CEP43: variants seen among roughly 807,000 people sequenced by gnomAD.
CEP43 encodes centrosomal protein 43.
CEP43 carries 36 observed loss-of-function variants against 52.6 expected under a neutral mutation model. That is an observed-to-expected ratio of 0.68 (90% CI 0.52 to 0.90). CEP43 has a LOEUF of 0.90. Among genes scored for constraint, CEP43 ranks in the 40% least tolerant of loss-of-function variants. The pLI, the probability that CEP43 is intolerant of heterozygous loss-of-function variation, is 0.00. For synonymous variants in CEP43, 192 were observed against 172.4 expected, an observed-to-expected ratio of 1.11 and a Z score of -0.89; for missense variants, 506 against 472.8, an observed-to-expected ratio of 1.07 and a Z score of -0.65.
intron 5 of CEP43, among the ~76,000 whole-genome samples, chr6:167,007,417 C>T (rs1264132061): frequency 6.6e-6 from 1 of 152,116 alleles, no homozygotes; most frequent in African/African-American, 2.4e-5. Context: ...GTTTTACTCC[C>T]CCAAGTTGCT....
chr6:167,020,570 A>G (rs1280522415), intron 7 of CEP43, among the ~76,000 whole-genome samples: 1 of 152,190 alleles, frequency 6.6e-6, no homozygotes, highest in East Asian at 1.9e-4. Flanking sequence ...ATCTAGTTCA[A>G]TTCTTGAGGA....
chr6:167,028,407 G>A (rs1284796334), intron 10 of CEP43: 30 of 985,270 alleles, frequency 3.0e-5, no homozygotes, highest in Non-Finnish European at 3.6e-5. Flanking sequence ...AATTGGGGTA[G>A]TTATGCAGGT....
Position 167,050,781 on chromosome 6 carries a change from G to GAAAAAAAAAAAAAAAAAAAAA in CEP43, c.*10806_*10826dup. The stretch of plus-strand genomic sequence containing the variant: ...GGGTGACAGAGTGAGACTCAAAAAA[G>GAAAAAAAAAAAAAAAAAAAAA]AAAAAAAAAAAAAAAAAAAAAAAGA... On this transcript the variant is annotated 3_prime_UTR_variant, in exon 13 of 13. Transcript: ENST00000366847. 2.1e-5 allele frequency: 2 copies of GAAAAAAAAAAAAAAAAAAAAA among 96,404 alleles called. No individual in the cohort carries two copies. Among genetic ancestry groups the GAAAAAAAAAAAAAAAAAAAAA allele is most frequent in the Non-Finnish European group, 4.0e-5 (2 of 50,542 alleles). The allele number at this position is 96,404 out of a possible 1,614,324, so 6.0% of individuals were successfully genotyped here. A position where few individuals can be genotyped will look rare whatever the true frequency, so the allele number is the denominator to read the frequency against.
chr6:167,032,674 A>G (rs1429139452), intron 11 of CEP43, 32 bp downstream of exon 11: 3 of 1,511,564 alleles, frequency 2.0e-6, no homozygotes, highest in African/African-American at 2.8e-5. Flanking sequence ...ATATATAAAT[A>G]TATACGTTAT....
intron 10 of CEP43, among the ~76,000 whole-genome samples, chr6:167,029,512 C>G (rs1395022322): frequency 6.6e-6 from 1 of 152,234 alleles, no homozygotes; most frequent in Non-Finnish European, 1.5e-5. Context: ...CGTCCCCACT[C>G]AGAAAGTTCT....
Position 167,033,904 on chromosome 6 carries a change from T to G in CEP43, c.1058T>G (p.Ile353Arg), listed in dbSNP as rs753123595. The G allele has an allele frequency of 1.3e-6, 2 of 1,594,138 alleles. No individual in the cohort carries two copies. The highest frequency in any genetic ancestry group is 1.3e-5 in the African/African-American group (1 of 74,278). The change falls in exon 12 of 13, where the codon ATA becomes AGA. Residue 353 changes from isoleucine (I) to arginine (R), a missense_variant. Physicochemically the swap from Ile to Arg is moderately conservative, Grantham distance 97 (BLOSUM62 -3). Coordinates refer to ENST00000366847, the MANE Select transcript of CEP43 (RefSeq NM_007045.4). ...STSHRSEKSE[I>R]SIGEEIEEDL... ...AGCCATCGCTCAGAGAAAAGTGAGATAAGTATTGGTGAAGAGATAGAAGAA... is the reference window on the plus strand; with the variant it reads ...AGCCATCGCTCAGAGAAAAGTGAGAGAAGTATTGGTGAAGAGATAGAAGAA...
chr6:167,039,161 G>A (rs564545662), intron 12 of CEP43, among the ~76,000 whole-genome samples: 4 of 151,424 alleles, frequency 2.6e-5, no homozygotes, highest in African/African-American at 4.8e-5. Context: ...TCGGAGTCTC[G>A]CTCTGTCACC....
chr6:166,999,428 GCCGC>G lies in CEP43; in HGVS notation c.17_20del (p.Ala6GlufsTer24). The G allele has an allele frequency of 6.8e-7, 1 of 1,474,730 alleles. No homozygotes were observed. Among genetic ancestry groups the G allele is most frequent in the Non-Finnish European group, 9.0e-7 (1 of 1,110,698 alleles). The allele number at this position is 1,474,730 out of a possible 1,614,324, so 91.4% of individuals were successfully genotyped here. ...GAGAAGCAAGATGGCGGCGACGGCGGCCGCAGTGGTGGCCGAGGAGGACACGGAG... is the reference window on the plus strand; with the variant it reads ...GAGAAGCAAGATGGCGGCGACGGCGGAGTGGTGGCCGAGGAGGACACGGAG... On this transcript the variant is annotated frameshift_variant, in exon 1 of 13. Coordinates refer to ENST00000366847, the MANE Select transcript of CEP43 (RefSeq NM_007045.4). LOFTEE classifies it high-confidence loss of function.
intron 8 of CEP43, among the ~76,000 whole-genome samples, chr6:167,024,391 C>A (rs1175307958): frequency 6.6e-6 from 1 of 152,150 alleles, no homozygotes; most frequent in African/African-American, 2.4e-5. Context: ...ATCAGCATGG[C>A]TGTTAGTGGC....
intron 7 of CEP43, among the ~76,000 whole-genome samples, chr6:167,021,051 G>A (rs1347770662): frequency 6.8e-6 from 1 of 146,872 alleles, no homozygotes; most frequent in East Asian, 2.0e-4. Flanking sequence ...ATGACATAGT[G>A]AGAGCCTGTT....
At chr6:167,003,087 T>C in intron 2 of CEP43, 106 bp from the exon 3 acceptor site, 1 of 554,874 alleles carries the variant, frequency 1.8e-6, no homozygotes, top group Non-Finnish European at 3.1e-6. Flanking sequence ...AGTTGTAGAA[T>C]GGATTTTGTA....
rs571861539 is a variant in CEP43 at position 167,019,259 on chromosome 6, A to G, written c.580-3150A>G. The stretch of plus-strand genomic sequence containing the variant: ...ATGCATACACCTGCTGTGCACACGC[A>G]TACACCTGCTGTGCACACACATACA... On this transcript the variant is annotated intron_variant, in intron 7 of 12. Coordinates refer to ENST00000366847, the MANE Select transcript of CEP43 (RefSeq NM_007045.4). Among the ~76,000 whole-genome samples the G allele has an allele frequency of 3.1e-3, 453 of 146,824 alleles. 1 individual carries two copies. The highest frequency in any genetic ancestry group is 0.011 in the African/African-American group (425 of 39,614).
chr6:167,015,595 C>T (rs745951791), intron 7 of CEP43, among the ~76,000 whole-genome samples: 14 of 152,146 alleles, frequency 9.2e-5, no homozygotes, highest in Admixed American at 4.6e-4. Flanking sequence ...ACTGGGCATG[C>T]GATGCAGGAG....
chr6:167,040,773 A>G lies in CEP43; in HGVS notation c.*795A>G. ...TTAAATGCATCTGAAACCATTAAGC[A>G]GTGCTTTTATTTCAGATCTGTAAGT... On this transcript the variant is annotated 3_prime_UTR_variant, in exon 13 of 13. Transcript: ENST00000366847. The G allele has an allele frequency of 9.9e-7, 1 of 1,010,098 alleles. No homozygotes were observed. The highest frequency in any genetic ancestry group is 6.5e-5 in the East Asian group (1 of 15,296). 62.6% of individuals were successfully genotyped at this position (1,010,098 alleles called of 1,614,324 possible).
intron 12 of CEP43, among the ~76,000 whole-genome samples, chr6:167,038,178 G>T (rs1405645095): frequency 2.6e-5 from 4 of 152,138 alleles, no homozygotes; most frequent in Non-Finnish European, 5.9e-5. Context: ...ATATAAGTTG[G>T]TTAATAGGTT....
intron 10 of CEP43, among the ~76,000 whole-genome samples, chr6:167,030,126 C>T (rs955779464): frequency 1.3e-5 from 2 of 152,236 alleles, no homozygotes; most frequent in African/African-American, 4.8e-5. Context: ...GATATGATGG[C>T]TTAGCTTGGG....
At chr6:167,006,749 G>A (rs1479095227) in intron 5 of CEP43, among the ~76,000 whole-genome samples, 1 of 152,170 alleles carries the variant, frequency 6.6e-6, no homozygotes, top group African/African-American at 2.4e-5. Context: ...GACTGTGTTA[G>A]TATTACTGTT....
intron 9 of CEP43, 39 bp from the exon 10 acceptor site, chr6:167,026,494 GAGACTGTTATATTC>G (rs1780358770): frequency 1.8e-6 from 2 of 1,131,258 alleles, no homozygotes; most frequent in East Asian, 4.7e-5. Context: ...ATGTGGTTTA[GAGACTGTTATATTC>G]TAAGTCACTC....
In CEP43 at chr6:167,041,105, T is replaced by A. The variant is rs1185228316; in HGVS notation, c.*1127T>A. On this transcript the variant is annotated 3_prime_UTR_variant, in exon 13 of 13. Transcript: ENST00000366847. ...TTTGCACTTTATAATTTCAATTAAG[T>A]TGCGGCTTTTTACTACAAGTTAACT... is the stretch of plus-strand genomic sequence containing the variant. The A allele has an allele frequency of 5.8e-6, 6 of 1,041,008 alleles. No homozygotes were observed. Among genetic ancestry groups the A allele is most frequent in the Non-Finnish European group, 6.9e-6 (6 of 863,974 alleles). 64.5% of individuals were successfully genotyped at this position (1,041,008 alleles called of 1,614,324 possible). A position where few individuals can be genotyped will look rare whatever the true frequency, so the allele number is the denominator to read the frequency against.
Sources: gnomAD v4.1 joint callset for allele counts (sites outside exome capture counted in the v4.1 genomes callset) on GRCh38, gnomAD v4.1.1 for gene constraint, MANE v1.5 for transcripts, NCBI Gene and HGNC (gene_info 2026-07-23, HGNC 2026-07-21) for gene names.